DTNBP1: variants seen among roughly 807,000 people sequenced by gnomAD.
The protein encoded by DTNBP1 is dystrobrevin binding protein 1.
In DTNBP1, 35 loss-of-function variants were observed where a neutral mutation model predicts 42.8. That is an observed-to-expected ratio of 0.82 (90% confidence interval 0.63 to 1.09). The LOEUF is 1.09. Ranked by LOEUF, DTNBP1 falls within the 50% of genes least tolerant of loss-of-function variation. The pLI, the probability that DTNBP1 is intolerant of heterozygous loss-of-function variation, is 0.00. For missense variants in DTNBP1, 457 were observed against 424.2 expected (o/e 1.08, Z -0.68); for synonymous variants, 171 against 162.2 (o/e 1.05, Z -0.41).
chr6:15,529,212 G>A (rs907472530), intron 8 of DTNBP1, among the ~76,000 whole-genome samples: 8 of 152,158 alleles, frequency 5.3e-5, no homozygotes, highest in African/African-American at 1.9e-4. Context: ...TTGAACCCAG[G>A]AGTTCCAGAC....
rs1772010238 is a variant in DTNBP1, at chr6:15,523,028, A to G, written c.1003T>C (p.Ser335Pro). Residue 335 changes from serine (S) to proline (P), a missense_variant, in exon 10 of 10, where the codon TCA (serine) becomes CCA (proline). Physicochemically the swap from Ser to Pro is moderately conservative, Grantham distance 74. Transcript: ENST00000344537. Reference protein sequence around the residue: ...EVQVDTALATSHTDREATPDG... With the variant: ...EVQVDTALATPHTDREATPDG... ...GGAGTGGCCTCTCTGTCAGTGTGTG[A>G]TGTGGCCAGGGCAGTGTCCACCTGA... 1.9e-6 allele frequency: 3 copies of G among 1,614,144 alleles called. No homozygotes were observed. The highest frequency in any genetic ancestry group is 2.5e-6 in the Non-Finnish European group (3 of 1,180,028).
At chr6:15,612,236 A>T (rs1205345086) in intron 6 of DTNBP1, among the ~76,000 whole-genome samples, 1 of 152,256 alleles carries the variant, frequency 6.6e-6, no homozygotes, top group Non-Finnish European at 1.5e-5. Flanking sequence ...AAGGCTGATG[A>T]TCATCAGCAA....
intron 4 of DTNBP1, among the ~76,000 whole-genome samples, chr6:15,636,176 A>T (rs1760007281): frequency 1.7e-5 from 1 of 57,558 alleles, no homozygotes; most frequent in Non-Finnish European, 3.5e-5. Context: ...TTTTTTTGAG[A>T]CAGAGTTTCT....
At chr6:15,617,984 G>A (rs1758811310) in intron 5 of DTNBP1, among the ~76,000 whole-genome samples, 1 of 152,078 alleles carries the variant, frequency 6.6e-6, no homozygotes, top group Non-Finnish European at 1.5e-5. Context: ...TCCCACAAGG[G>A]ATTAATATCC....
chr6:15,579,874 A>G (rs1775749087), intron 7 of DTNBP1: 1 of 455,708 alleles, frequency 2.2e-6, no homozygotes, highest in East Asian at 6.9e-5. Flanking sequence ...TTGAGGTGAT[A>G]GATATGCTAA....
At chr6:15,540,703 G>A (rs568204653) in intron 7 of DTNBP1, among the ~76,000 whole-genome samples, 6 of 152,166 alleles carry the variant, frequency 3.9e-5, no homozygotes, top group South Asian at 4.2e-4. Context: ...GTGCAGTGGC[G>A]CGATCTCGGC....
intron 3 of DTNBP1, among the ~76,000 whole-genome samples, chr6:15,638,739 C>T (rs565684949): frequency 2.0e-5 from 3 of 152,176 alleles, no homozygotes; most frequent in Non-Finnish European, 2.9e-5. Flanking sequence ...TAACATTACT[C>T]TTCTGGTATT....
chr6:15,649,445 A>G (rs1307044850), intron 3 of DTNBP1, among the ~76,000 whole-genome samples: 2 of 152,200 alleles, frequency 1.3e-5, no homozygotes, highest in Non-Finnish European at 2.9e-5. Flanking sequence ...TGATGTTCCT[A>G]GAATAGTCAA....
At chr6:15,603,346 T>C (rs1776802445) in intron 6 of DTNBP1, among the ~76,000 whole-genome samples, 1 of 152,166 alleles carries the variant, frequency 6.6e-6, no homozygotes, top group African/African-American at 2.4e-5. Flanking sequence ...AAATCTAGCA[T>C]CTAATAGGGA....
rs183860089 is a variant in DTNBP1 at position 15,610,446 on chromosome 6, C to A, written c.488+4821G>T. Among the ~76,000 whole-genome samples the A allele has an allele frequency of 9.8e-4, 149 of 152,196 alleles. 2 individuals carry two copies. Among genetic ancestry groups the A allele is most frequent in the Non-Finnish European group, 7.9e-4 (54 of 68,014 alleles). On this transcript the variant is annotated intron_variant, in intron 6 of 9. Coordinates refer to ENST00000344537, the MANE Select transcript of DTNBP1 (RefSeq NM_032122.5). ...AATCAGGCCAATTATTAATAATAAC[C>A]CTACAATGGCCTCTAATTATTCAAG...
Position 15,638,980 on chromosome 6 carries a change from G to A in DTNBP1, c.162-1176C>T, listed in dbSNP as rs973744565. Reference sequence around the variant, plus strand: ...CCCAAAGTGCTGAAATTACAGACATGAGCCACGATGCCCAGCCTTGGCCAG... The same window carrying A: ...CCCAAAGTGCTGAAATTACAGACATAAGCCACGATGCCCAGCCTTGGCCAG... On this transcript the variant is annotated intron_variant, in intron 3 of 9. Transcript: ENST00000344537. Among the ~76,000 whole-genome samples the A allele has an allele frequency of 4.6e-5, 7 of 152,100 alleles. No homozygotes were observed. In the East Asian group the frequency reaches 7.7e-4, roughly 17 times the overall value.
At chr6:15,524,711 T>C in intron 8 of DTNBP1, 42 bp from the exon 9 acceptor site, 2 of 1,605,058 alleles carry the variant, frequency 1.2e-6, no homozygotes, top group Non-Finnish European at 8.5e-7. Context: ...CTGTCTTTAA[T>C]ATTACTTTAA....
intron 7 of DTNBP1, among the ~76,000 whole-genome samples, chr6:15,561,083 A>G (rs1774818044): frequency 6.6e-6 from 1 of 152,230 alleles, no homozygotes; most frequent in South Asian, 2.1e-4. Context: ...CTGTTACTAG[A>G]ACCTAGCCTT....
chr6:15,647,209 A>C (rs147622150), intron 3 of DTNBP1, among the ~76,000 whole-genome samples: 1 of 152,048 alleles, frequency 6.6e-6, no homozygotes, highest in Non-Finnish European at 1.5e-5. Context: ...ACTCTTCTCA[A>C]ATGAAGACAT....
Position 15,524,537 on chromosome 6 carries a change from G to T in DTNBP1, c.800C>A (p.Ser267Tyr), listed in dbSNP as rs772713972. The change falls in exon 9 of 10, where the codon TCC becomes TAC. Residue 267 changes from serine to tyrosine, a missense_variant. Transcript: ENST00000344537. Reference protein sequence around the residue: ...NSGGEENTVLSPALGPESSTC... With the variant: ...NSGGEENTVLYPALGPESSTC... Reference sequence around the variant, plus strand: ...TTTGTCAACCCTACCTAAGGCGGGGGACAGCACAGTGTTCTCTTCTCCTCC... The same window carrying T: ...TTTGTCAACCCTACCTAAGGCGGGGTACAGCACAGTGTTCTCTTCTCCTCC... The T allele has an allele frequency of 3.1e-6, 5 of 1,608,944 alleles. No individual in the cohort carries two copies. The highest frequency in any genetic ancestry group is 2.2e-5 in the East Asian group (1 of 44,790).
At chr6:15,590,222 C>G (rs966272669) in intron 7 of DTNBP1, among the ~76,000 whole-genome samples, 9 of 152,348 alleles carry the variant, frequency 5.9e-5, no homozygotes, top group Admixed American at 5.9e-4. Flanking sequence ...GCGTGAGCCA[C>G]CATGCCCGGC....
Position 15,663,021 on chromosome 6 carries a change from G to T in DTNBP1, c.-152C>A, listed in dbSNP as rs1359751743. ...CCGGTCTGGTCCTCGCCGCCGCGCC[G>T]CAACCCCAGCCCCTTCCGCGTTCCC... On this transcript the variant is annotated 5_prime_UTR_variant, in exon 1 of 10. Transcript: ENST00000344537. 7.3e-6 allele frequency: 8 copies of T among 1,103,236 alleles called. No homozygotes were observed. Among genetic ancestry groups the T allele is most frequent in the Non-Finnish European group, 1.0e-5 (8 of 778,564 alleles). 68.3% of individuals were successfully genotyped at this position (1,103,236 alleles called of 1,614,324 possible). A position where few individuals can be genotyped will look rare whatever the true frequency, so the allele number is the denominator to read the frequency against.
intron 5 of DTNBP1, among the ~76,000 whole-genome samples, chr6:15,619,766 C>G (rs1758933382): frequency 6.6e-6 from 1 of 152,076 alleles, no homozygotes; most frequent in South Asian, 2.1e-4. Context: ...TTGACATTTT[C>G]TCTTTTTATC....
chr6:15,560,765 G>T (rs1183127521), intron 7 of DTNBP1, among the ~76,000 whole-genome samples: 2 of 152,172 alleles, frequency 1.3e-5, no homozygotes, highest in Non-Finnish European at 2.9e-5. Flanking sequence ...GTTATCTTGG[G>T]ACCCTGAAAG....
Sources: allele counts gnomAD v4.1 joint callset (sites outside exome capture counted in the v4.1 genomes callset), GRCh38; gene constraint gnomAD v4.1.1; transcripts MANE v1.5; gene names NCBI Gene and HGNC (gene_info 2026-07-23, HGNC 2026-07-21).